SORBS2: variants seen among roughly 807,000 people sequenced by gnomAD.
SORBS2 encodes sorbin and SH3 domain-containing protein 2.
SORBS2 carries 46 observed loss-of-function variants against 97.7 expected under a neutral mutation model. The ratio of observed to expected loss-of-function variants is 0.47; its 90% confidence interval spans 0.37 to 0.60. The LOEUF is 0.60. Ranked by LOEUF, SORBS2 falls within the 20% of genes least tolerant of loss-of-function variation. SORBS2 has a pLI of 0.00. For missense variants in SORBS2, 1,316 were observed against 1,282.3 expected (o/e 1.03, Z -0.40); for synonymous variants, 476 against 473.4 (o/e 1.01, Z -0.07).
At chr4:185,909,668 A>T (rs1305460786) in intron 1 of SORBS2, among the ~76,000 whole-genome samples, 1 of 152,244 alleles carries the variant, frequency 6.6e-6, no homozygotes, top group Non-Finnish European at 1.5e-5. Context: ...GCTTCTGTGA[A>T]GACATTGTTT....
intron 13 of SORBS2, among the ~76,000 whole-genome samples, chr4:185,591,650 T>G (rs2095939196): frequency 6.6e-6 from 1 of 152,312 alleles, no homozygotes; most frequent in South Asian, 2.1e-4. Context: ...GCTGCTGTTT[T>G]GATGGATACA....
intron 1 of SORBS2, among the ~76,000 whole-genome samples, chr4:185,897,276 A>G (rs1379039422): frequency 6.6e-6 from 1 of 152,180 alleles, no homozygotes; most frequent in Non-Finnish European, 1.5e-5. Context: ...GAGTGTAGGT[A>G]TGAGATCCGA....
intron 2 of SORBS2, among the ~76,000 whole-genome samples, chr4:185,746,096 T>C (rs2153592030): frequency 6.6e-6 from 1 of 152,282 alleles, no homozygotes; most frequent in South Asian, 2.1e-4. Context: ...AAGGGGCCTT[T>C]GGGTAAGATT....
At chr4:185,841,150 G>C (rs992897250) in intron 1 of SORBS2, among the ~76,000 whole-genome samples, 3 of 152,220 alleles carry the variant, frequency 2.0e-5, no homozygotes, top group African/African-American at 7.2e-5. Context: ...CCTCAGCTAT[G>C]GAACCTGAAC....
intron 2 of SORBS2, among the ~76,000 whole-genome samples, chr4:185,686,794 T>C (rs973523826): frequency 1.3e-5 from 2 of 152,200 alleles, no homozygotes; most frequent in Non-Finnish European, 2.9e-5. Flanking sequence ...GTTAAATCTC[T>C]GGTGTTCAAA....
At chr4:185,769,408 T>A (rs1468276894) in intron 2 of SORBS2, among the ~76,000 whole-genome samples, 2 of 152,258 alleles carry the variant, frequency 1.3e-5, no homozygotes, top group Non-Finnish European at 1.5e-5. Flanking sequence ...GGCATCACCA[T>A]CATTCCTGAC....
chr4:185,631,392 C>T (rs972662702), intron 4 of SORBS2, among the ~76,000 whole-genome samples: 1 of 152,048 alleles, frequency 6.6e-6, no homozygotes, highest in Non-Finnish European at 1.5e-5. Flanking sequence ...GGGATAATTG[C>T]TAAAATATCT....
chr4:185,750,611 A>G (rs972225970), intron 2 of SORBS2, among the ~76,000 whole-genome samples: 1 of 152,258 alleles, frequency 6.6e-6, no homozygotes, highest in Non-Finnish European at 1.5e-5. Flanking sequence ...GCTGGCTAAT[A>G]CACTCCTTAC....
At chr4:185,820,420 T>C (rs1305172815) in intron 1 of SORBS2, among the ~76,000 whole-genome samples, 6 of 152,236 alleles carry the variant, frequency 3.9e-5, no homozygotes, top group Admixed American at 3.9e-4. Flanking sequence ...GCAGCCCTAG[T>C]TCTTTCCCTC....
At chr4:185,599,439 C>T (rs2096201552) in intron 12 of SORBS2, among the ~76,000 whole-genome samples, 1 of 152,024 alleles carries the variant, frequency 6.6e-6, no homozygotes, top group South Asian at 2.1e-4. Flanking sequence ...TCAGAGCTGG[C>T]AAGAAATAGG....
chr4:185,634,435 C>T (rs776062284), intron 4 of SORBS2, among the ~76,000 whole-genome samples: 3 of 152,078 alleles, frequency 2.0e-5, no homozygotes, highest in Non-Finnish European at 4.4e-5. Context: ...TTATTTACTT[C>T]GTTCCCATGC....
rs562144602 is a variant in SORBS2, at chr4:185,707,722, T to A, written c.-197-28900A>T. On this transcript the variant is annotated intron_variant, in intron 2 of 20. Transcript: ENST00000284776. ...CCACATGGCTGGGGAGGCCTCACAATCATGGCAGAAGGCAAAGGGCATCTT... is the reference window on the plus strand; with the variant it reads ...CCACATGGCTGGGGAGGCCTCACAAACATGGCAGAAGGCAAAGGGCATCTT... 2.6e-5 allele frequency among the ~76,000 whole-genome samples: 4 copies of A among 152,246 alleles called. No individual in the cohort carries two copies. In the East Asian group the frequency reaches 7.7e-4, roughly 29 times the overall value.
intron 1 of SORBS2, among the ~76,000 whole-genome samples, chr4:185,846,951 C>T (rs2099214882): frequency 1.3e-5 from 2 of 152,290 alleles, no homozygotes; most frequent in South Asian, 4.2e-4. Flanking sequence ...AGAATGATAA[C>T]ACCTTTGGTA....
intron 3 of SORBS2, 28 bp from the exon 13 acceptor site, chr4:185,646,810 A>C: frequency 1.6e-6 from 2 of 1,261,766 alleles, no homozygotes; most frequent in Non-Finnish European, 2.3e-6. Context: ...ATCACACATT[A>C]AAATAATCCT....
chr4:185,904,921 A>G (rs1257027717), intron 1 of SORBS2, among the ~76,000 whole-genome samples: 1 of 152,094 alleles, frequency 6.6e-6, no homozygotes, highest in Non-Finnish European at 1.5e-5. Context: ...CCTGACCAAC[A>G]TGGAGAAACC....
At chr4:185,868,226 G>C (rs761367035) in intron 1 of SORBS2, among the ~76,000 whole-genome samples, 21 of 141,298 alleles carry the variant, frequency 1.5e-4, no homozygotes, top group Non-Finnish European at 2.7e-4. Flanking sequence ...GCACGATCTT[G>C]GCTCACTGCA....
chr4:185,789,671 G>C (rs577002915), intron 1 of SORBS2, among the ~76,000 whole-genome samples: 41 of 151,720 alleles, frequency 2.7e-4, no homozygotes, highest in African/African-American at 9.4e-4. Flanking sequence ...GGATACATTG[G>C]TGTCCTCAGA....
At chr4:185,816,854 T>A (rs2099193526) in intron 1 of SORBS2, among the ~76,000 whole-genome samples, 1 of 152,052 alleles carries the variant, frequency 6.6e-6, no homozygotes, top group African/African-American at 2.4e-5. Flanking sequence ...ACATCAGCAA[T>A]AAAAAACCGT....
chr4:185,882,058 C>A (rs969706605), intron 1 of SORBS2, among the ~76,000 whole-genome samples: 1 of 152,084 alleles, frequency 6.6e-6, no homozygotes, highest in African/African-American at 2.4e-5. Context: ...TTTAATAGCA[C>A]TTTTCCCTTG....
Sources: gnomAD v4.1 joint callset for allele counts (sites outside exome capture counted in the v4.1 genomes callset) on GRCh38, gnomAD v4.1.1 for gene constraint, MANE v1.5 for transcripts, NCBI Gene and HGNC (gene_info 2026-07-23, HGNC 2026-07-21) for gene names.